ARHGEF6: variants seen among roughly 807,000 people sequenced by gnomAD.
The protein encoded by ARHGEF6 is rho guanine nucleotide exchange factor 6.
A neutral mutation model predicts 70.3 loss-of-function variants in ARHGEF6; 9 were observed. The observed-to-expected ratio is 0.13, with a 90% confidence interval of 0.08 to 0.22. ARHGEF6 has a LOEUF of 0.22. Among genes scored for constraint, ARHGEF6 ranks in the 10% least tolerant of loss-of-function variants. The probability of loss-of-function intolerance (pLI) is 1.00; values close to 1 mark genes in which losing one functional copy is unlikely to be tolerated. For missense variants in ARHGEF6, 470 were observed against 563.0 expected (o/e 0.83, Z 1.67); for synonymous variants, 201 against 207.8 (o/e 0.97, Z 0.28).
At chrX:136,707,817 A>G (rs2076641403) in intron 8 of ARHGEF6, among the ~76,000 whole-genome samples, 1 of 111,774 alleles carries the variant, frequency 8.9e-6, no homozygotes, top group Admixed American at 9.5e-5. Flanking sequence ...ATTTCCCTAG[A>G]GAGATGAAAG....
chrX:136,700,922 G>C (rs1315577604), intron 9 of ARHGEF6, among the ~76,000 whole-genome samples: 1 of 112,255 alleles, frequency 8.9e-6, no homozygotes, highest in African/African-American at 3.2e-5. Context: ...TAAGCAGAGT[G>C]ATAGAAACAC....
chrX:136,715,393 A>G (rs1445776981), intron 6 of ARHGEF6, among the ~76,000 whole-genome samples: 7 of 111,403 alleles, frequency 6.3e-5, no homozygotes, highest in Non-Finnish European at 1.1e-4. Flanking sequence ...AAAAAAGAAA[A>G]AAAAGACTTT....
chrX:136,769,889 A>C (rs2077351809), intron 2 of ARHGEF6, among the ~76,000 whole-genome samples: 2 of 112,546 alleles, frequency 1.8e-5, no homozygotes, highest in African/African-American at 6.5e-5. Flanking sequence ...GTTCACAAAA[A>C]GGAAATACAA....
intron 9 of ARHGEF6, among the ~76,000 whole-genome samples, chrX:136,698,893 T>C (rs952610276): frequency 8.9e-6 from 1 of 112,225 alleles, no homozygotes; most frequent in East Asian, 2.8e-4. Context: ...TTAACTGATA[T>C]AAAAGCAATT....
rs774766041 is a variant in ARHGEF6 at position 136,732,220 on chromosome X, T to A, written c.662-48A>T. The A allele has an allele frequency of 4.0e-6, 4 of 998,067 alleles. No individual in the cohort carries two copies. In the African/African-American group the frequency reaches 5.7e-5, roughly 14 times the overall value. The allele number at this position is 998,067 out of a possible 1,213,427, so 82.3% of individuals were successfully genotyped here. ...ATGTTAATATCACAGAAGGCTATGATGAACATTTTATAACATGGGTCAACT... is the reference window on the plus strand; with the variant it reads ...ATGTTAATATCACAGAAGGCTATGAAGAACATTTTATAACATGGGTCAACT... On this transcript the variant is annotated intron_variant, in intron 5 of 21. Coordinates refer to ENST00000250617, the MANE Select transcript of ARHGEF6 (RefSeq NM_004840.3).
At chrX:136,679,945 T>C (rs1423660048) in intron 15 of ARHGEF6, among the ~76,000 whole-genome samples, 2 of 112,137 alleles carry the variant, frequency 1.8e-5, no homozygotes, top group African/African-American at 6.5e-5. Flanking sequence ...GGAAGGAAAA[T>C]GGAGTAGCAG....
chrX:136,729,467 CAAAAAAAAAA>C (rs749398050), intron 6 of ARHGEF6, among the ~76,000 whole-genome samples: 2 of 12,410 alleles, frequency 1.6e-4, no homozygotes, highest in African/African-American at 4.7e-4. Flanking sequence ...GACTCCATCT[CAAAAAAAAAA>C]AAAAAAAAAA....
intron 2 of ARHGEF6, among the ~76,000 whole-genome samples, chrX:136,762,850 T>C (rs1480532012): frequency 3.6e-5 from 4 of 111,811 alleles, no homozygotes; most frequent in Non-Finnish European, 7.5e-5. Flanking sequence ...AGCATATACC[T>C]AATAAGTGGC....
chrX:136,691,932 T>G (rs1279371509), intron 9 of ARHGEF6, among the ~76,000 whole-genome samples: 1 of 111,759 alleles, frequency 8.9e-6, no homozygotes, highest in Non-Finnish European at 1.9e-5. Flanking sequence ...CTACTTATTC[T>G]CCCTAGAACA....
intron 14 of ARHGEF6, 25 bp downstream of exon 14, chrX:136,681,865 A>G (rs1479232689): frequency 8.8e-7 from 1 of 1,131,786 alleles, no homozygotes; most frequent in East Asian, 3.0e-5. Context: ...GGAAGTAGTT[A>G]CATGAAAAAG....
At chrX:136,669,626 C>G in intron 20 of ARHGEF6, 90 bp from the exon 21 acceptor site, 1 of 763,990 alleles carries the variant, frequency 1.3e-6, no homozygotes, top group East Asian at 3.2e-5. Flanking sequence ...TATAAAAATA[C>G]AGATCCTGAA....
intron 2 of ARHGEF6, among the ~76,000 whole-genome samples, chrX:136,778,484 T>A (rs2077423392): frequency 9.0e-6 from 1 of 110,953 alleles, no homozygotes; most frequent in Non-Finnish European, 1.9e-5. Flanking sequence ...AGTATCTTAT[T>A]TGATTCTTTT....
intron 11 of ARHGEF6, among the ~76,000 whole-genome samples, chrX:136,686,713 T>C (rs1213627156): frequency 7.0e-4 from 46 of 65,986 alleles, no homozygotes; most frequent in African/African-American, 3.1e-3. Flanking sequence ...TATATACATA[T>C]ATATATATAT....
At chrX:136,737,521 C>T in intron 5 of ARHGEF6, 1 of 731,831 alleles carries the variant, frequency 1.4e-6, no homozygotes, top group Non-Finnish European at 1.6e-6. Flanking sequence ...TCCTTAAAGA[C>T]AAATTTTCCT....
chrX:136,740,380 G>T (rs763165352), intron 5 of ARHGEF6, among the ~76,000 whole-genome samples: 43 of 111,058 alleles, frequency 3.9e-4, no homozygotes, highest in Admixed American at 1.1e-3. Context: ...CAAAAACAGG[G>T]GCAGAGATGC....
rs751663467 is a variant in ARHGEF6, at chrX:136,668,125, T to G, written c.2235A>C (p.Ser745=). The change falls in exon 22 of 22, where the codon TCA becomes TCC. Residue 745 remains serine, a synonymous_variant. Transcript: ENST00000250617. ...GCACCAGCTTTTCTAGGTCCCTTCTTGATTTCAGTTCTTCTTCCAGGCATT... is the reference window on the plus strand; with the variant it reads ...GCACCAGCTTTTCTAGGTCCCTTCTGGATTTCAGTTCTTCTTCCAGGCATT... ...MKQCLEEELK[S]RRDLEKLVRR... The G allele has an allele frequency of 1.4e-5, 17 of 1,209,957 alleles. 1 individual carries two copies. The South Asian group carries it at 2.8e-4, about 20-fold the overall frequency.
At chrX:136,678,429 T>C (rs751781994) in intron 16 of ARHGEF6, among the ~76,000 whole-genome samples, 2 of 112,039 alleles carry the variant, frequency 1.8e-5, no homozygotes, top group Admixed American at 9.4e-5. Flanking sequence ...AATTGGATGA[T>C]TGCAAGAATT....
At chrX:136,753,569 G>A (rs1252654500) in intron 2 of ARHGEF6, among the ~76,000 whole-genome samples, 3 of 111,516 alleles carry the variant, frequency 2.7e-5, no homozygotes, top group Admixed American at 9.5e-5. Flanking sequence ...ACTCACACTA[G>A]CCAAGCTCAT....
At chrX:136,669,302 G>A (rs775084259) in intron 21 of ARHGEF6, among the ~76,000 whole-genome samples, 180 bp downstream of exon 21, 10 of 111,570 alleles carry the variant, frequency 9.0e-5, no homozygotes, top group East Asian at 2.8e-4. Flanking sequence ...AGCAAGCCTC[G>A]GAAATTTAAA....
Sources: allele counts gnomAD v4.1 joint callset (sites outside exome capture counted in the v4.1 genomes callset), GRCh38; gene constraint gnomAD v4.1.1; transcripts MANE v1.5; gene names NCBI Gene and HGNC (gene_info 2026-07-23, HGNC 2026-07-21).